The following NDRG4 variants were observed in gnomAD, a reference collection of about 807,000 sequenced individuals.
NDRG4 encodes NDRG family member 4, also known as protein NDRG4.
A neutral mutation model predicts 55.8 loss-of-function variants in NDRG4; 38 were observed. The observed-to-expected ratio is 0.68, with a 90% CI of 0.53 to 0.89. The LOEUF (loss-of-function observed/expected upper bound fraction) is 0.89, where lower values mean the gene tolerates loss of function less well. Ranked by LOEUF, NDRG4 falls within the 40% of genes least tolerant of loss-of-function variation. NDRG4 has a pLI of 0.00. For missense variants in NDRG4, 455 were observed against 468.6 expected (o/e 0.97, Z 0.27); for synonymous variants, 190 against 182.7 (o/e 1.04, Z -0.32).
Position 58,464,486 on chromosome 16 carries a change from G to A in NDRG4, c.-24+689G>A. The stretch of plus-strand genomic sequence containing the variant: ...CTCACAGGTACCGCCCGCCTGCCCC[G>A]CAGCCGGCCGCCACTTTCCGAGTTG... On this transcript the variant is annotated intron_variant, in intron 1 of 15. Coordinates refer to the NDRG4 transcript ENST00000258187. This position sits in a 1 kb window ranked among gnomAD's most constrained non-coding sequence, Gnocchi z 4.8. 1 of 1,310,206 alleles carries A rather than the reference G, an allele frequency of 7.6e-7. No individual in the cohort carries two copies. The highest frequency in any genetic ancestry group is 2.2e-5 in the South Asian group (1 of 45,262). The allele number at this position is 1,310,206 out of a possible 1,614,324, so 81.2% of individuals were successfully genotyped here. A position where few individuals can be genotyped will look rare whatever the true frequency, so the allele number is the denominator to read the frequency against.
Position 58,464,467 on chromosome 16 carries a change from G to T in NDRG4, c.-24+670G>T. ...GGGACACCGGCTGGAGCTGCTCACAGGTACCGCCCGCCTGCCCCGCAGCCG... is the reference window on the plus strand; with the variant it reads ...GGGACACCGGCTGGAGCTGCTCACATGTACCGCCCGCCTGCCCCGCAGCCG... On this transcript the variant is annotated intron_variant, in intron 1 of 15. Coordinates refer to the NDRG4 transcript ENST00000258187. The surrounding 1 kb of genome is among the most constrained non-coding windows in gnomAD (Gnocchi z 4.8). 7.5e-7 allele frequency: 1 copy of T among 1,328,164 alleles called. No individual in the cohort carries two copies. Among genetic ancestry groups the T allele is most frequent in the Middle Eastern group, 2.8e-4 (1 of 3,594 alleles). 82.3% of individuals were successfully genotyped at this position (1,328,164 alleles called of 1,614,324 possible).
intron 1 of NDRG4, 71 bp from the exon 2 acceptor site, chr16:58,503,727 G>A (rs751950373): frequency 1.7e-5 from 27 of 1,600,740 alleles, no homozygotes; most frequent in South Asian, 2.2e-5. Flanking sequence ...ACCAGGCTGC[G>A]TCACCTCATT....
At position 58,504,406 on chromosome 16, in the gene NDRG4, T is replaced by C. The variant is rs1158588251; in HGVS notation, c.296T>C (p.Val99Ala). ...CAGCTGGCTGCCATGCTCCCCAGCG[T>C]GGTGCAGCATTTCGGGTGAGTCCCC... ...MEQLAAMLPS[V>A]VQHFGFKYVI... The change falls in exon 4 of 15, where the codon GTG becomes GCG. Residue 99 changes from valine (V) to alanine (A), a missense_variant. By Grantham distance (64) the Val-to-Ala change is moderately conservative (BLOSUM62 0). Coordinates refer to ENST00000570248, the MANE Select transcript of NDRG4 (RefSeq NM_001242835.2). 5.0e-6 allele frequency: 8 copies of C among 1,612,470 alleles called. No individual in the cohort carries two copies. The highest frequency in any genetic ancestry group is 1.7e-5 in the Admixed American group (1 of 60,014).
intron 13 of NDRG4, among the ~76,000 whole-genome samples, chr16:58,510,176 G>A (rs921256157): frequency 7.2e-5 from 11 of 152,232 alleles, no homozygotes; most frequent in African/African-American, 2.2e-4. Context: ...TCTGGAGCAG[G>A]GCAGAGCCCT....
chr16:58,484,883 CT>C (rs572251728), intron 1 of NDRG4, among the ~76,000 whole-genome samples: 4,196 of 133,836 alleles, frequency 0.031, 51 homozygotes, highest in Non-Finnish European at 0.042. Context: ...TCATAACTTA[CT>C]TTTTTTTTTT....
chr16:58,466,722 C>T (rs1266173265), intron 1 of NDRG4, among the ~76,000 whole-genome samples: 2 of 152,200 alleles, frequency 1.3e-5, no homozygotes, highest in African/African-American at 2.4e-5. Context: ...TCTCACAGAT[C>T]GGGATTCTAA....
At chr16:58,471,085 A>G (rs1324587411) in intron 1 of NDRG4, among the ~76,000 whole-genome samples, 6 of 151,316 alleles carry the variant, frequency 4.0e-5, no homozygotes, top group Non-Finnish European at 8.8e-5. Flanking sequence ...TCTTCCCAGA[A>G]CCCCCAGAGG....
At chr16:58,514,678 G>A (rs1237744376), downstream of NDRG4, among the ~76,000 whole-genome samples, 1 of 150,092 alleles carries the variant, frequency 6.7e-6, no homozygotes, top group East Asian at 2.0e-4. Context: ...GGAGGTGGAG[G>A]TTGCAGTGAG....
intron 1 of NDRG4, chr16:58,502,270 C>T (rs1250955391): frequency 3.0e-6 from 1 of 336,262 alleles, no homozygotes. Flanking sequence ...ATTTGATGGG[C>T]CCCGAGAAAG....
intron 1 of NDRG4, among the ~76,000 whole-genome samples, chr16:58,468,723 A>G (rs961763152): frequency 3.3e-5 from 5 of 152,106 alleles, no homozygotes; most frequent in Non-Finnish European, 7.4e-5. Flanking sequence ...TCAAAAATAT[A>G]TATATTGTGG....
chr16:58,477,424 T>C (rs528036729), intron 1 of NDRG4, among the ~76,000 whole-genome samples: 1 of 152,234 alleles, frequency 6.6e-6, no homozygotes, highest in East Asian at 1.9e-4. Flanking sequence ...CAAAAAATAA[T>C]GGGTACATGT....
Position 58,464,348 on chromosome 16 carries a change from G to C in NDRG4, c.-24+551G>C. 8.1e-7 allele frequency: 1 copy of C among 1,236,486 alleles called. No homozygotes were observed. The highest frequency in any genetic ancestry group is 1.6e-5 in the African/African-American group (1 of 63,208). The allele number at this position is 1,236,486 out of a possible 1,614,324, so 76.6% of individuals were successfully genotyped here. A position where few individuals can be genotyped will look rare whatever the true frequency, so the allele number is the denominator to read the frequency against. ...GCGCTCTCCTGCCGCTCCGCTCCGG[G>C]TCTCCCGCGCTCCTCTCCCCGGCTC... On this transcript the variant is annotated intron_variant, in intron 1 of 15. Coordinates refer to the NDRG4 transcript ENST00000258187. This position sits in a 1 kb window ranked among gnomAD's most constrained non-coding sequence, Gnocchi z 4.8.
At chr16:58,478,041 A>G (rs955812685) in intron 1 of NDRG4, among the ~76,000 whole-genome samples, 1 of 152,188 alleles carries the variant, frequency 6.6e-6, no homozygotes, top group Non-Finnish European at 1.5e-5. Flanking sequence ...TGAGAAAACA[A>G]CAGACAAACC....
At position 58,506,662 on chromosome 16, in the gene NDRG4, C is replaced by T. The variant is rs1380172467; in HGVS notation, c.516+48C>T. ...ATCTGGGGTGATCTGGGATTTGCCC[C>T]TCCCAGCTGGCTCGGTAGGAGGCAG... is the stretch of plus-strand genomic sequence containing the variant. On this transcript the variant is annotated intron_variant, in intron 7 of 14. Coordinates refer to ENST00000570248, the MANE Select transcript of NDRG4 (RefSeq NM_001242835.2). 3.9e-6 allele frequency: 6 copies of T among 1,540,700 alleles called. No individual in the cohort carries two copies. In the South Asian group the frequency reaches 6.0e-5, roughly 15 times the overall value.
intron 1 of NDRG4, among the ~76,000 whole-genome samples, chr16:58,473,727 C>T (rs535596476): frequency 2.6e-5 from 4 of 152,262 alleles, no homozygotes; most frequent in South Asian, 4.1e-4. Context: ...CCTGCACTCC[C>T]GCTGTGTGGC....
At chr16:58,472,496 C>T (rs1036295647) in intron 1 of NDRG4, among the ~76,000 whole-genome samples, 6 of 152,172 alleles carry the variant, frequency 3.9e-5, no homozygotes, top group Non-Finnish European at 7.4e-5. Context: ...GCCCGGCTGC[C>T]TGTGTGTGAT....
At chr16:58,490,963 C>T (rs141967490) in intron 2 of NDRG4, among the ~76,000 whole-genome samples, 2,100 of 145,408 alleles carry the variant, frequency 0.014, 40 homozygotes, top group African/African-American at 0.051. Context: ...GGCGACAGAG[C>T]GAGGCTCTGT....
At chr16:58,470,560 T>C (rs1182118146) in intron 1 of NDRG4, among the ~76,000 whole-genome samples, 3 of 152,220 alleles carry the variant, frequency 2.0e-5, no homozygotes, top group Non-Finnish European at 4.4e-5. Context: ...GAGTTGGAGC[T>C]GTTTTGCAGA....
intron 2 of NDRG4, chr16:58,494,886 T>C: frequency 8.3e-7 from 1 of 1,211,618 alleles, no homozygotes; most frequent in Non-Finnish European, 1.2e-6. Context: ...GGACAGAAAT[T>C]GAGTCTGCTA....
Sources: gnomAD v4.1 joint callset for allele counts (sites outside exome capture counted in the v4.1 genomes callset) on GRCh38, gnomAD v4.1.1 for gene constraint, Gnocchi (gnomAD v3.1) non-coding constraint, MANE v1.5 for transcripts, NCBI Gene and HGNC (gene_info 2026-07-23, HGNC 2026-07-21) for gene names.